Variants in SLC23A2 observed in about 807,000 individuals in gnomAD.
SLC23A2 encodes the protein solute carrier family 23 member 2.
Under a neutral mutation model 73.3 loss-of-function variants are expected in SLC23A2, and 36 were observed. The observed-to-expected ratio is 0.49, with a 90% CI of 0.38 to 0.65. The LOEUF is 0.65. Among genes scored for constraint, SLC23A2 ranks in the 30% least tolerant of loss-of-function variants. SLC23A2 has a pLI of 0.00. For synonymous variants in SLC23A2, 343 were observed against 327.3 expected, an observed-to-expected ratio of 1.05 and a Z score of -0.52; for missense variants, 507 against 841.6, an observed-to-expected ratio of 0.60 and a Z score of 4.92.
intron 2 of SLC23A2, among the ~76,000 whole-genome samples, chr20:4,949,425 C>G (rs1218863895): frequency 6.6e-6 from 1 of 151,980 alleles, no homozygotes; most frequent in African/African-American, 2.4e-5. Flanking sequence ...TAAATAAGCA[C>G]CTGAAAAACA....
At position 4,862,837 on chromosome 20, in the gene SLC23A2, C is replaced by A; in HGVS notation, c.1427G>T (p.Ser476Ile). ...ATCCGGAAGGGACGCAAAGAGGGCG[C>A]TGAACTTCCCGATCATGCCCAGAGC... ...MLALGMIGKFSALFASLPDPV... is the reference protein window; with the variant it reads ...MLALGMIGKFIALFASLPDPV... Residue 476 changes from serine to isoleucine, a missense_variant, in exon 14 of 17, where the codon AGC becomes ATC. Around this residue, in one of 5 missense-constraint regions of SLC23A2, gnomAD observed 168 missense variants for 302.3 expected, o/e 0.56. Coordinates refer to ENST00000338244, the MANE Select transcript of SLC23A2 (RefSeq NM_005116.6). This position sits in a 1 kb window ranked among gnomAD's most constrained non-coding sequence, Gnocchi z 5.1. 2.5e-6 allele frequency: 4 copies of A among 1,614,044 alleles called. No individual in the cohort carries two copies. Among genetic ancestry groups the A allele is most frequent in the Non-Finnish European group, 3.4e-6 (4 of 1,180,016 alleles).
At chr20:4,936,130 C>T (rs978991478) in intron 2 of SLC23A2, among the ~76,000 whole-genome samples, 1 of 152,246 alleles carries the variant, frequency 6.6e-6, no homozygotes, top group African/African-American at 2.4e-5. Context: ...GTAGCCAAAT[C>T]CATCAGCCTT....
chr20:5,009,567 C>A (rs1241206812), intron 1 of SLC23A2, among the ~76,000 whole-genome samples: 3 of 152,182 alleles, frequency 2.0e-5, no homozygotes, highest in Non-Finnish European at 4.4e-5. Flanking sequence ...TATGCCAGCT[C>A]CTCACGTGGT....
chr20:4,983,450 T>G (rs556540658), intron 1 of SLC23A2, among the ~76,000 whole-genome samples: 271 of 149,464 alleles, frequency 1.8e-3, no homozygotes, highest in Non-Finnish European at 2.9e-3. Flanking sequence ...ATCGAGACCA[T>G]CCTGGCCAAC....
At chr20:4,860,476 C>T (rs1268296278) in intron 15 of SLC23A2, among the ~76,000 whole-genome samples, 2 of 152,180 alleles carry the variant, frequency 1.3e-5, no homozygotes, top group African/African-American at 4.8e-5. Context: ...CGTTTCTACA[C>T]ATAAGGCGGC....
chr20:4,981,251 T>C (rs1446931945), intron 1 of SLC23A2, among the ~76,000 whole-genome samples: 1 of 152,204 alleles, frequency 6.6e-6, no homozygotes, highest in South Asian at 2.1e-4. Context: ...GAGAACTGCA[T>C]CACAGGTCAT....
intron 2 of SLC23A2, among the ~76,000 whole-genome samples, chr20:4,964,437 T>C (rs1323370530): frequency 6.6e-6 from 1 of 152,218 alleles, no homozygotes; most frequent in Non-Finnish European, 1.5e-5. Flanking sequence ...TTTGTGAGTG[T>C]TCATTAAAAT....
intron 2 of SLC23A2, among the ~76,000 whole-genome samples, chr20:4,952,094 ACT>A (rs2087211553): frequency 8.3e-6 from 1 of 119,794 alleles, no homozygotes; most frequent in Non-Finnish European, 1.6e-5. Flanking sequence ...ACAGAGCAAG[ACT>A]CTGACTCAAA....
At chr20:4,962,243 AC>A (rs2087403671) in intron 2 of SLC23A2, among the ~76,000 whole-genome samples, 1 of 127,058 alleles carries the variant, frequency 7.9e-6, no homozygotes, top group Non-Finnish European at 1.8e-5. Context: ...GAGTTCAACC[AC>A]CCCCGCCCCA....
Position 4,855,672 on chromosome 20 carries a change from C to G in SLC23A2, c.*1300G>C, listed in dbSNP as rs1043467309. On this transcript the variant is annotated 3_prime_UTR_variant, in exon 17 of 17. Transcript: ENST00000338244. ...TAAGCCAAGACTTGCAACAGAAGCC[C>G]GGCAAGCGGGACAGACCGGCGGACA... The G allele has an allele frequency of 6.6e-6, 1 of 152,634 alleles. No homozygotes were observed. 9.5% of individuals were successfully genotyped at this position (152,634 alleles called of 1,614,324 possible).
intron 16 of SLC23A2, 54 bp downstream of exon 16, chr20:4,859,235 C>T (rs1223527595): frequency 3.2e-5 from 33 of 1,036,008 alleles, no homozygotes; most frequent in Non-Finnish European, 4.1e-5. Context: ...AAAAAAGTAA[C>T]ACATATGTTA....
chr20:4,949,139 G>A (rs1422587617), intron 2 of SLC23A2, among the ~76,000 whole-genome samples: 1 of 151,806 alleles, frequency 6.6e-6, no homozygotes, highest in African/African-American at 2.4e-5. Flanking sequence ...TAGAAAAAAA[G>A]TAGCCAGGCG....
At chr20:4,956,589 G>A (rs2087291597) in intron 2 of SLC23A2, among the ~76,000 whole-genome samples, 1 of 151,636 alleles carries the variant, frequency 6.6e-6, no homozygotes, top group East Asian at 1.9e-4. Context: ...TTCATTAAGA[G>A]GTGTCAGAGG....
At chr20:4,880,679 T>A (rs932076863) in intron 9 of SLC23A2, among the ~76,000 whole-genome samples, 1 of 150,132 alleles carries the variant, frequency 6.7e-6, no homozygotes, top group African/African-American at 2.5e-5. Flanking sequence ...AAGAGACAAG[T>A]AAGGGTGGAG....
chr20:4,927,237 G>C (rs1960941600), intron 3 of SLC23A2, among the ~76,000 whole-genome samples: 1 of 152,206 alleles, frequency 6.6e-6, no homozygotes, highest in Non-Finnish European at 1.5e-5. Flanking sequence ...CAGCCATGAT[G>C]CTGGACAGTA....
intron 4 of SLC23A2, among the ~76,000 whole-genome samples, chr20:4,908,021 T>A (rs1932018185): frequency 6.6e-6 from 1 of 152,062 alleles, no homozygotes; most frequent in South Asian, 2.1e-4. Flanking sequence ...TGTCAGAGAC[T>A]AGAATGAAAA....
chr20:4,994,661 C>T (rs1239358859), intron 1 of SLC23A2, among the ~76,000 whole-genome samples: 2 of 151,738 alleles, frequency 1.3e-5, no homozygotes, highest in African/African-American at 2.4e-5. Flanking sequence ...CTCAGGAGGC[C>T]GAGGCAGAAG....
chr20:4,877,166 T>C (rs1253668607), intron 9 of SLC23A2, among the ~76,000 whole-genome samples: 1 of 151,908 alleles, frequency 6.6e-6, no homozygotes, highest in Non-Finnish European at 1.5e-5. Flanking sequence ...TATAATAAAA[T>C]ATAAATAAAT....
In SLC23A2 at chr20:4,862,018, A is replaced by G. The variant is rs1262784405; in HGVS notation, c.1554T>C (p.Phe518=). The stretch of plus-strand genomic sequence containing the variant: ...CAAAGAAGATCGAAAATCCAAGCAC[A>G]AAGAGGTTCCGGGAAGAATTTAAAT... The part of the protein sequence containing the change: ...FIDLNSSRNL[F]VLGFSIFFGL... Residue 518 remains phenylalanine, a synonymous_variant, in exon 15 of 17, where the codon TTT becomes TTC. Coordinates refer to ENST00000338244, the MANE Select transcript of SLC23A2 (RefSeq NM_005116.6). The surrounding 1 kb of genome is among the most constrained non-coding windows in gnomAD (Gnocchi z 5.1). 1 of 1,614,176 alleles carries G rather than the reference A, an allele frequency of 6.2e-7. No homozygotes were observed.
Sources: allele counts gnomAD v4.1 joint callset (sites outside exome capture counted in the v4.1 genomes callset), GRCh38; gene constraint gnomAD v4.1.1; regional missense constraint gnomAD v4.1.1; non-coding constraint Gnocchi (gnomAD v3.1); transcripts MANE v1.5; gene names NCBI Gene and HGNC (gene_info 2026-07-23, HGNC 2026-07-21).